The following SCTR variants were observed in gnomAD, a reference collection of about 807,000 sequenced individuals.
SCTR encodes the protein pancreatic secretin receptor.
A neutral mutation model predicts 60.8 loss-of-function variants in SCTR; 56 were observed. The ratio of observed to expected loss-of-function variants is 0.92; its 90% CI spans 0.74 to 1.15. SCTR has a LOEUF of 1.15. Among genes scored for constraint, SCTR ranks in the 50% most tolerant of loss-of-function variants. The probability of loss-of-function intolerance (pLI) is 0.00; values close to 1 mark genes in which losing one functional copy is unlikely to be tolerated. For missense variants in SCTR, 562 were observed against 550.4 expected (o/e 1.02, Z -0.21); for synonymous variants, 202 against 217.0 (o/e 0.93, Z 0.61).
chr2:119,507,741 C>T (rs976052260), intron 1 of SCTR, among the ~76,000 whole-genome samples: 16 of 140,494 alleles, frequency 1.1e-4, no homozygotes, highest in African/African-American at 3.2e-4. Flanking sequence ...TGCAGTGGCA[C>T]GATCTTGGCT....
chr2:119,449,472 T>C (rs776629927), intron 9 of SCTR, among the ~76,000 whole-genome samples: 1 of 152,196 alleles, frequency 6.6e-6, no homozygotes, highest in South Asian at 2.1e-4. Context: ...GTCAAATGCA[T>C]GTGTCTGTCA....
chr2:119,469,804 C>T (rs374067671), intron 4 of SCTR, among the ~76,000 whole-genome samples: 15 of 152,170 alleles, frequency 9.9e-5, no homozygotes, highest in African/African-American at 3.6e-4. Flanking sequence ...GTCCTCAGCT[C>T]TTAACATCTA....
chr2:119,475,576 C>A (rs1443467560), intron 3 of SCTR, among the ~76,000 whole-genome samples: 1 of 149,082 alleles, frequency 6.7e-6, no homozygotes, highest in Admixed American at 6.7e-5. Flanking sequence ...GTGTGCACCT[C>A]AGGGGACCCC....
intron 9 of SCTR, among the ~76,000 whole-genome samples, chr2:119,450,225 G>C (rs953828286): frequency 6.6e-6 from 1 of 152,016 alleles, no homozygotes. Flanking sequence ...TTTTTAAATA[G>C]TGGAATTCCA....
rs1050833714 is a variant in SCTR, at chr2:119,473,782, G to A, written c.302-226C>T. Among the ~76,000 whole-genome samples the A allele has an allele frequency of 3.9e-5, 6 of 152,100 alleles. No homozygotes were observed. In the East Asian group the frequency reaches 9.7e-4, roughly 24 times the overall value. On this transcript the variant is annotated intron_variant, in intron 3 of 12. Coordinates refer to ENST00000019103, the MANE Select transcript of SCTR (RefSeq NM_002980.3). ...GCCCAAGCTCTTAAGCACACACCAC[G>A]TGCCAGTCCCCCTTCTCACCCCAGC...
intron 4 of SCTR, among the ~76,000 whole-genome samples, chr2:119,469,618 T>C (rs1676903681): frequency 6.6e-6 from 1 of 152,068 alleles, no homozygotes; most frequent in Admixed American, 6.5e-5. Flanking sequence ...AACCTCCGAG[T>C]AGCTAAGACT....
chr2:119,518,511 G>A (rs1234439222), intron 1 of SCTR, among the ~76,000 whole-genome samples: 6 of 152,222 alleles, frequency 3.9e-5, no homozygotes, highest in East Asian at 3.9e-4. Context: ...ACTGCGGGAC[G>A]TGATGAACCA....
intron 4 of SCTR, among the ~76,000 whole-genome samples, chr2:119,466,507 T>A (rs1001514783): frequency 2.0e-5 from 3 of 152,154 alleles, no homozygotes; most frequent in African/African-American, 7.2e-5. Context: ...ATCCCAGCAC[T>A]TTGGGAGTCT....
At chr2:119,492,644 C>A (rs937024494) in intron 2 of SCTR, among the ~76,000 whole-genome samples, 1 of 152,024 alleles carries the variant, frequency 6.6e-6, no homozygotes, top group Non-Finnish European at 1.5e-5. Flanking sequence ...GAAACATCAC[C>A]TCTATCTAGT....
chr2:119,452,144 G>A, intron 8 of SCTR, 65 bp from the exon 9 acceptor site: 6 of 999,664 alleles, frequency 6.0e-6, no homozygotes, highest in Non-Finnish European at 7.9e-6. Context: ...AACCAGCAAG[G>A]ACATGTTCCC....
At chr2:119,492,745 A>G (rs1171484363) in intron 2 of SCTR, among the ~76,000 whole-genome samples, 1 of 152,096 alleles carries the variant, frequency 6.6e-6, no homozygotes, top group East Asian at 1.9e-4. Context: ...GGCAAGCACT[A>G]ATCTAATTTG....
intron 1 of SCTR, among the ~76,000 whole-genome samples, chr2:119,521,356 A>G (rs537927442): frequency 1.5e-4 from 23 of 152,208 alleles, no homozygotes; most frequent in Non-Finnish European, 2.6e-4. Context: ...TCATTCAACA[A>G]ACACTCACTG....
intron 11 of SCTR, among the ~76,000 whole-genome samples, chr2:119,442,266 A>G (rs2104747631): frequency 6.6e-6 from 1 of 152,258 alleles, no homozygotes; most frequent in Admixed American, 6.5e-5. Context: ...CCTGGTGTGG[A>G]GCTCTGTCAG....
At chr2:119,497,726 G>A (rs561339849) in intron 1 of SCTR, among the ~76,000 whole-genome samples, 4 of 152,182 alleles carry the variant, frequency 2.6e-5, no homozygotes, top group Admixed American at 1.3e-4. Context: ...AATAAGCTCC[G>A]TGGATGGGCT....
At position 119,453,278 on chromosome 2, in the gene SCTR, T is replaced by C; in HGVS notation, c.851+9A>G. On this transcript the variant is annotated intron_variant, in intron 8 of 12. Coordinates refer to ENST00000019103, the MANE Select transcript of SCTR (RefSeq NM_002980.3). ...ATACATTCTTGTTATCCTCCTTCCG[T>C]TAGCTTACCCAACATCTTCCAGAAA... The C allele has an allele frequency of 6.3e-7, 1 of 1,599,566 alleles. No homozygotes were observed. The highest frequency in any genetic ancestry group is 8.6e-7 in the Non-Finnish European group (1 of 1,166,830).
At chr2:119,509,939 A>C (rs1678877856) in intron 1 of SCTR, among the ~76,000 whole-genome samples, 1 of 152,106 alleles carries the variant, frequency 6.6e-6, no homozygotes. Flanking sequence ...TGTTTCGCTC[A>C]GCACATTTTC....
intron 11 of SCTR, 98 bp downstream of exon 11, chr2:119,446,661 A>G (rs150074518): frequency 8.4e-7 from 1 of 1,197,282 alleles, no homozygotes; most frequent in Non-Finnish European, 1.1e-6. Context: ...TCTCTGCCAG[A>G]TAAGGCATCT....
chr2:119,489,284 C>G (rs766703937), intron 2 of SCTR, among the ~76,000 whole-genome samples: 2 of 152,188 alleles, frequency 1.3e-5, no homozygotes, highest in Non-Finnish European at 2.9e-5. Context: ...GTGTCCTCTG[C>G]GGGGGCCTCA....
chr2:119,488,214 C>T (rs1292030600), intron 2 of SCTR, among the ~76,000 whole-genome samples: 1 of 152,230 alleles, frequency 6.6e-6, no homozygotes, highest in Non-Finnish European at 1.5e-5. Flanking sequence ...AAACAGATCC[C>T]AGTGACAGCT....
Sources: allele counts gnomAD v4.1 joint callset (sites outside exome capture counted in the v4.1 genomes callset), GRCh38; gene constraint gnomAD v4.1.1; transcripts MANE v1.5; gene names NCBI Gene and HGNC (gene_info 2026-07-23, HGNC 2026-07-21).